IWS1: variants seen among roughly 807,000 people sequenced by gnomAD.
IWS1 encodes interacts with SUPT6H, CTD assembly factor 1.
IWS1 carries 27 observed loss-of-function variants against 86.7 expected under a neutral mutation model. The observed-to-expected ratio is 0.31, with a 90% CI of 0.23 to 0.43. The LOEUF (loss-of-function observed/expected upper bound fraction) is 0.43, where lower values mean the gene tolerates loss of function less well. IWS1 is among the 20% of genes least tolerant of loss of function. The pLI, the probability that IWS1 is intolerant of heterozygous loss-of-function variation, is 1.00. For synonymous variants in IWS1, 313 were observed against 335.1 expected, an observed-to-expected ratio of 0.93 and a Z score of 0.72; for missense variants, 827 against 1,000.8, an observed-to-expected ratio of 0.83 and a Z score of 2.34.
chr2:127,486,755 C>T lies in IWS1; in HGVS notation c.2217-91G>A, dbSNP rs918043440. ...TTCACACTCCTGTTCCTACATCCAC[C>T]CATTAAGCTGCAATGTTCGAAACTC... On this transcript the variant is annotated intron_variant, in intron 12 of 13. Transcript: ENST00000295321. The T allele has an allele frequency of 4.8e-5, 46 of 966,310 alleles. No individual in the cohort carries two copies. In the Middle Eastern group the frequency reaches 8.9e-4, roughly 19 times the overall value. The allele number at this position is 966,310 out of a possible 1,614,324, so 59.9% of individuals were successfully genotyped here.
At chr2:127,503,052 C>G (rs1012743419) in intron 4 of IWS1, among the ~76,000 whole-genome samples, 180 bp from the exon 5 acceptor site, 2 of 152,128 alleles carry the variant, frequency 1.3e-5, no homozygotes, top group Admixed American at 1.3e-4. Context: ...ATGTAGCCTC[C>G]CCAGAAAGTC....
intron 10 of IWS1, among the ~76,000 whole-genome samples, chr2:127,491,742 C>T (rs188066974): frequency 5.3e-5 from 8 of 152,130 alleles, no homozygotes; most frequent in African/African-American, 1.4e-4. Flanking sequence ...CCACACCCAG[C>T]CTCTTACTTG....
intron 2 of IWS1, among the ~76,000 whole-genome samples, chr2:127,518,202 T>A (rs976839648): frequency 6.6e-6 from 1 of 152,160 alleles, no homozygotes; most frequent in Non-Finnish European, 1.5e-5. Flanking sequence ...AATTGTATAG[T>A]ATGTAAATTG....
intron 13 of IWS1, among the ~76,000 whole-genome samples, chr2:127,483,817 G>C (rs1419443241): frequency 6.6e-6 from 1 of 152,006 alleles, no homozygotes; most frequent in African/African-American, 2.4e-5. Context: ...TTTTGGTAGA[G>C]ATGGAGTCTT....
chr2:127,508,596 C>T (rs1214953460), intron 2 of IWS1, among the ~76,000 whole-genome samples: 1 of 151,958 alleles, frequency 6.6e-6, no homozygotes, highest in Non-Finnish European at 1.5e-5. Flanking sequence ...CTAGCTAAGT[C>T]CAGAAAAAAA....
intron 2 of IWS1, among the ~76,000 whole-genome samples, chr2:127,507,590 T>C (rs1691212214): frequency 1.3e-5 from 2 of 152,200 alleles, no homozygotes; most frequent in Admixed American, 6.5e-5. Flanking sequence ...TACCGTACAA[T>C]AGTCTGTATG....
In IWS1 at chr2:127,499,940, A is replaced by C. The variant is rs1013255796; in HGVS notation, c.1468-1703T>G. 6.6e-5 allele frequency among the ~76,000 whole-genome samples: 10 copies of C among 152,258 alleles called. No individual in the cohort carries two copies. The highest frequency in any genetic ancestry group is 6.2e-4 in the South Asian group (3 of 4,832). On this transcript the variant is annotated intron_variant, in intron 5 of 13. Coordinates refer to ENST00000295321, the MANE Select transcript of IWS1 (RefSeq NM_017969.3). This position sits in a 1 kb window ranked among gnomAD's most constrained non-coding sequence, Gnocchi z 4.0. The stretch of plus-strand genomic sequence containing the variant: ...AATAAGGAAAAAAATCTTGACTCTT[A>C]CCTCATACCACATACGAAACCAATT...
At position 127,503,450 on chromosome 2, in the gene IWS1, G is replaced by C; in HGVS notation, c.1346C>G (p.Ser449Cys). 1 of 1,613,244 alleles carries C rather than the reference G, an allele frequency of 6.2e-7. No homozygotes were observed. The highest frequency in any genetic ancestry group is 1.7e-4 in the Middle Eastern group (1 of 6,058). Residue 449 changes from serine (S) to cysteine (C), a missense_variant, in exon 4 of 14, where the codon TCT becomes TGT. Ser to Cys is a moderately radical substitution (Grantham distance 112). Transcript: ENST00000295321. The stretch of plus-strand genomic sequence containing the variant: ...ATCCTTCTCTTCATTTTTCTTATCA[G>C]ACAATTCTTTCCCAGCTTCTTCCTC... Reference protein sequence around the residue: ...DSEEEAGKELSDKKNEEKDLF... With the variant: ...DSEEEAGKELCDKKNEEKDLF...
intron 13 of IWS1, among the ~76,000 whole-genome samples, chr2:127,481,627 A>G (rs949877194): frequency 5.9e-5 from 9 of 152,226 alleles, no homozygotes; most frequent in African/African-American, 1.7e-4. Flanking sequence ...AGCCTTAAGC[A>G]TAATAAATGA....
In IWS1 at chr2:127,499,092, T is replaced by C. The variant is rs1263808813; in HGVS notation, c.1468-855A>G. Among the ~76,000 whole-genome samples the C allele has an allele frequency of 2.3e-4, 2 of 8,834 alleles. No homozygotes were observed. Among genetic ancestry groups the C allele is most frequent in the African/African-American group, 1.3e-3 (2 of 1,490 alleles). The allele number at this position is 8,834 out of a possible 152,430, so 5.8% of individuals were successfully genotyped here. A position where few individuals can be genotyped will look rare whatever the true frequency, so the allele number is the denominator to read the frequency against. Reference sequence around the variant, plus strand: ...ATATTTGCCAGGCATAATTTTTCTTTTTCTTTTTTTTTTTTTGAGACGGAG... The same window carrying C: ...ATATTTGCCAGGCATAATTTTTCTTCTTCTTTTTTTTTTTTTGAGACGGAG... On this transcript the variant is annotated intron_variant, in intron 5 of 13. Coordinates refer to ENST00000295321, the MANE Select transcript of IWS1 (RefSeq NM_017969.3). This position sits in a 1 kb window ranked among gnomAD's most constrained non-coding sequence, Gnocchi z 4.0.
chr2:127,525,133 G>T (rs13400844), intron 1 of IWS1, among the ~76,000 whole-genome samples: 4 of 146,290 alleles, frequency 2.7e-5, no homozygotes, highest in Admixed American at 1.3e-4. Context: ...GTACGGGCAT[G>T]GGGGGTGGGG....
In IWS1 at chr2:127,508,500, C is replaced by T. The variant is rs895429274; in HGVS notation, c.151-2748G>A. ...AAAATTATAATTGGCTTTTGGAATG[C>T]TCTCCATGATATATCCATCACATAA... is the stretch of plus-strand genomic sequence containing the variant. On this transcript the variant is annotated intron_variant, in intron 2 of 13. Transcript: ENST00000295321. 2.6e-5 allele frequency among the ~76,000 whole-genome samples: 4 copies of T among 152,156 alleles called. No individual in the cohort carries two copies. The East Asian group carries it at 5.8e-4, about 22-fold the overall frequency.
chr2:127,494,985 T>A (rs1033676945), intron 7 of IWS1, 31 bp from the exon 8 acceptor site: 14 of 1,346,272 alleles, frequency 1.0e-5, no homozygotes, highest in East Asian at 2.3e-5. Flanking sequence ...GATTTTTTTT[T>A]AAAACAGTAC....
In IWS1 at chr2:127,505,089, G is replaced by T; in HGVS notation, c.814C>A (p.Arg272=). The change falls in exon 3 of 14, where the codon CGA becomes AGA. Residue 272 remains arginine, a synonymous_variant. Coordinates refer to ENST00000295321, the MANE Select transcript of IWS1 (RefSeq NM_017969.3). The surrounding 1 kb of genome is among the most constrained non-coding windows in gnomAD (Gnocchi z 5.0). ...DSENEELPKP[R]ISDSESEDPP... ...TCCTCACTTTCCGAATCACTGATTC[G>T]GGGTTTGGGAAGCTCTTCATTTTCT... 6.2e-7 allele frequency: 1 copy of T among 1,612,012 alleles called. No individual in the cohort carries two copies. The highest frequency in any genetic ancestry group is 8.5e-7 in the Non-Finnish European group (1 of 1,179,478).
intron 12 of IWS1, among the ~76,000 whole-genome samples, chr2:127,487,190 TA>T (rs778775726): frequency 1.1e-4 from 16 of 152,166 alleles, no homozygotes; most frequent in Non-Finnish European, 2.2e-4. Flanking sequence ...AATGAAGTTG[TA>T]AAAAATGATA....
rs542211120 is a variant in IWS1, at chr2:127,526,467, C to G, written c.-259G>C. ...GCCGGCGTTCTACTTCCTAGAAGCA[C>G]CGCTGGGGCCAAAATGGCGTCTGCC... On this transcript the variant is annotated 5_prime_UTR_variant, in exon 1 of 14. Transcript: ENST00000295321. The G allele has an allele frequency of 2.0e-6, 3 of 1,529,366 alleles. No homozygotes were observed. Among genetic ancestry groups the G allele is most frequent in the African/African-American group, 1.4e-5 (1 of 72,644 alleles). The allele number at this position is 1,529,366 out of a possible 1,614,324, so 94.7% of individuals were successfully genotyped here.
At chr2:127,507,624 C>A (rs1691213483) in intron 2 of IWS1, among the ~76,000 whole-genome samples, 1 of 152,292 alleles carries the variant, frequency 6.6e-6, no homozygotes, top group African/African-American at 2.4e-5. Flanking sequence ...ACTTTAGCCA[C>A]ACTTCATAAT....
chr2:127,508,338 A>G (rs1338389417), intron 2 of IWS1, among the ~76,000 whole-genome samples: 2 of 123,318 alleles, frequency 1.6e-5, no homozygotes, highest in East Asian at 5.1e-4. Context: ...GTGCATCTAT[A>G]TGAAACTGAG....
intron 2 of IWS1, among the ~76,000 whole-genome samples, chr2:127,519,612 T>C (rs1691975786): frequency 6.6e-6 from 1 of 152,064 alleles, no homozygotes; most frequent in Non-Finnish European, 1.5e-5. Context: ...AAAATTATGC[T>C]GTGAGTACCA....
Sources: gnomAD v4.1 joint callset for allele counts (sites outside exome capture counted in the v4.1 genomes callset) on GRCh38, gnomAD v4.1.1 for gene constraint, Gnocchi (gnomAD v3.1) non-coding constraint, MANE v1.5 for transcripts, NCBI Gene and HGNC (gene_info 2026-07-23, HGNC 2026-07-21) for gene names.